Variants in GRM1 observed in about 807,000 individuals in gnomAD.
The protein encoded by GRM1 is glutamate metabotropic receptor 1, also known as metabotropic glutamate receptor 1.
In GRM1, 33 loss-of-function variants were observed where a neutral mutation model predicts 90.9. The observed-to-expected ratio is 0.36, with a 90% CI of 0.28 to 0.49. The LOEUF (loss-of-function observed/expected upper bound fraction) is 0.49, where lower values mean the gene tolerates loss of function less well. GRM1 is among the 20% of genes least tolerant of loss of function. GRM1 has a pLI of 0.99. For synonymous variants in GRM1, 700 were observed against 613.2 expected (o/e 1.14, Z -2.09); for missense variants, 1,190 against 1,534.3 (o/e 0.78, Z 3.75).
chr6:146,177,068 A>G (rs1376926981), intron 2 of GRM1, among the ~76,000 whole-genome samples: 2 of 152,158 alleles, frequency 1.3e-5, no homozygotes, highest in Admixed American at 1.3e-4. Flanking sequence ...AAATGGACTC[A>G]GCCTGAGCTT....
At position 146,316,523 on chromosome 6, in the gene GRM1, C is replaced by T. The variant is rs148995422; in HGVS notation, c.1186+11677C>T. Among the ~76,000 whole-genome samples, 337 of 152,318 alleles carry T rather than the reference C, an allele frequency of 2.2e-3. 1 individual carries two copies. Among genetic ancestry groups the T allele is most frequent in the African/African-American group, 7.6e-3 (315 of 41,580 alleles). On this transcript the variant is annotated intron_variant, in intron 3 of 7. Coordinates refer to ENST00000282753, the MANE Select transcript of GRM1 (RefSeq NM_001278064.2). ...GGCATCAGCCTCTCTAAGTCCCTAC[C>T]GGCTGATTCTTTAGTGCCTTCTACT...
At chr6:146,118,927 A>G (rs1775869722) in intron 1 of GRM1, among the ~76,000 whole-genome samples, 1 of 152,258 alleles carries the variant, frequency 6.6e-6, no homozygotes, top group South Asian at 2.1e-4. Context: ...TTATAGCAGC[A>G]TGATTTATAA....
intron 5 of GRM1, among the ~76,000 whole-genome samples, chr6:146,382,798 G>GTATATTT (rs750624723): frequency 1.3e-5 from 2 of 152,094 alleles, no homozygotes; most frequent in Non-Finnish European, 2.9e-5. Flanking sequence ...TCATTTATTG[G>GTATATTT]CTGTGTGTTA....
intron 5 of GRM1, among the ~76,000 whole-genome samples, chr6:146,372,950 T>G (rs1775956694): frequency 6.6e-6 from 1 of 152,106 alleles, no homozygotes; most frequent in Admixed American, 6.6e-5. Flanking sequence ...TTATTCTGGG[T>G]TTTTGTGGTT....
intron 3 of GRM1, among the ~76,000 whole-genome samples, chr6:146,316,647 C>T (rs555823026): frequency 2.0e-5 from 3 of 152,244 alleles, no homozygotes; most frequent in South Asian, 2.1e-4. Context: ...AGGCAGTTGA[C>T]GACATATATT....
intron 1 of GRM1, among the ~76,000 whole-genome samples, chr6:146,111,567 G>A (rs1313291867): frequency 6.6e-6 from 1 of 152,216 alleles, no homozygotes; most frequent in African/African-American, 2.4e-5. Flanking sequence ...TGAGGAAGAT[G>A]ATACTTTACC....
At chr6:146,242,162 A>G (rs555194125) in intron 2 of GRM1, among the ~76,000 whole-genome samples, 2 of 152,248 alleles carry the variant, frequency 1.3e-5, no homozygotes, top group South Asian at 2.1e-4. Context: ...TCCAGGTGAG[A>G]TGTGATTACA....
intron 1 of GRM1, among the ~76,000 whole-genome samples, chr6:146,063,004 C>A (rs1050869426): frequency 6.6e-6 from 1 of 151,338 alleles, no homozygotes; most frequent in African/African-American, 2.4e-5. Flanking sequence ...TTTCTTTTTC[C>A]TTCGCATTCA....
At chr6:146,124,297 T>C (rs1337276612) in intron 1 of GRM1, among the ~76,000 whole-genome samples, 2 of 152,182 alleles carry the variant, frequency 1.3e-5, no homozygotes, top group African/African-American at 4.8e-5. Context: ...AGTTTTATGG[T>C]TTAGTAATTT....
At chr6:146,101,884 A>G (rs1347578298) in intron 1 of GRM1, among the ~76,000 whole-genome samples, 1 of 150,490 alleles carries the variant, frequency 6.6e-6, no homozygotes, top group Non-Finnish European at 1.5e-5. Flanking sequence ...TGTTAATAAT[A>G]ATATGAGTGA....
intron 3 of GRM1, among the ~76,000 whole-genome samples, chr6:146,346,531 C>T (rs929640392): frequency 3.3e-5 from 5 of 152,036 alleles, no homozygotes; most frequent in African/African-American, 7.2e-5. Flanking sequence ...GGAAACAATT[C>T]CCAGGTCCTA....
intron 2 of GRM1, among the ~76,000 whole-genome samples, chr6:146,270,912 T>TTCCTTCCTTCCTTCCTTC (rs1782120716): frequency 5.8e-5 from 5 of 86,858 alleles, no homozygotes; most frequent in African/African-American, 2.8e-4. Flanking sequence ...TTTCTTTCTT[T>TTCCTTCCTTCCTTCCTTC]CTTCCTTCCT....
chr6:146,101,463 T>C (rs1777046792), intron 1 of GRM1, among the ~76,000 whole-genome samples: 1 of 152,188 alleles, frequency 6.6e-6, no homozygotes, highest in African/African-American at 2.4e-5. Context: ...GCTCCCTATA[T>C]ACTCTATGTC....
intron 2 of GRM1, among the ~76,000 whole-genome samples, chr6:146,217,343 A>G (rs1228176583): frequency 6.6e-6 from 1 of 152,166 alleles, no homozygotes; most frequent in Non-Finnish European, 1.5e-5. Context: ...AGAGAGCAAT[A>G]CCTTGAGTTG....
At chr6:146,349,097 C>T (rs1015674947) in intron 3 of GRM1, among the ~76,000 whole-genome samples, 8 of 142,466 alleles carry the variant, frequency 5.6e-5, no homozygotes, top group African/African-American at 1.8e-4. Context: ...GACGGAGTCT[C>T]GTTTTGTAGC....
At chr6:146,105,120 G>T (rs1777183499) in intron 1 of GRM1, among the ~76,000 whole-genome samples, 2 of 152,072 alleles carry the variant, frequency 1.3e-5, no homozygotes, top group Admixed American at 1.3e-4. Context: ...CCAATAAGTA[G>T]GGTTTTAAAA....
chr6:146,429,704 C>A (rs942876133), intron 7 of GRM1, among the ~76,000 whole-genome samples: 2 of 152,122 alleles, frequency 1.3e-5, no homozygotes, highest in Non-Finnish European at 2.9e-5. Context: ...AGAACTGTCC[C>A]GAAGTCTGTG....
chr6:146,244,682 C>T (rs1294442898), intron 2 of GRM1, among the ~76,000 whole-genome samples: 1 of 152,140 alleles, frequency 6.6e-6, no homozygotes, highest in African/African-American at 2.4e-5. Flanking sequence ...GTTTTAAGTG[C>T]TAGTTAACCG....
At position 146,126,550 on chromosome 6, in the gene GRM1, T is replaced by A. The variant is rs144133399; in HGVS notation, c.701-32798T>A. Among the ~76,000 whole-genome samples the A allele has an allele frequency of 1.3e-3, 204 of 152,272 alleles. 2 individuals are homozygous for A. Among genetic ancestry groups the A allele is most frequent in the African/African-American group, 4.8e-3 (198 of 41,574 alleles). ...TCAAAATATTCTTTGAACTAAACAATTATTTCATTTTAAATCGATCTATTA... is the reference window on the plus strand; with the variant it reads ...TCAAAATATTCTTTGAACTAAACAAATATTTCATTTTAAATCGATCTATTA... On this transcript the variant is annotated intron_variant, in intron 1 of 7. Coordinates refer to ENST00000282753, the MANE Select transcript of GRM1 (RefSeq NM_001278064.2).
Sources: gnomAD v4.1 joint callset for allele counts (sites outside exome capture counted in the v4.1 genomes callset) on GRCh38, gnomAD v4.1.1 for gene constraint, MANE v1.5 for transcripts, NCBI Gene and HGNC (gene_info 2026-07-23, HGNC 2026-07-21) for gene names.